Variants in GSK3B observed in about 807,000 individuals in gnomAD.
The protein encoded by GSK3B is glycogen synthase kinase-3 beta.
In GSK3B, 15 loss-of-function variants were observed where a neutral mutation model predicts 56.4. That is an observed-to-expected ratio of 0.27 (90% CI 0.18 to 0.41). The LOEUF (loss-of-function observed/expected upper bound fraction) is 0.41, where lower values mean the gene tolerates loss of function less well. GSK3B is among the 10% of genes least tolerant of loss of function. The pLI is 1.00. For missense variants in GSK3B, 300 were observed against 513.4 expected, an observed-to-expected ratio of 0.58 and a Z score of 4.02; for synonymous variants, 181 against 188.9, an observed-to-expected ratio of 0.96 and a Z score of 0.34.
chr3:119,937,494 T>C (rs1213037867), intron 3 of GSK3B, among the ~76,000 whole-genome samples: 1 of 152,082 alleles, frequency 6.6e-6, no homozygotes, highest in Non-Finnish European at 1.5e-5. Flanking sequence ...CATAAACCTC[T>C]TTCCTTTACA....
chr3:120,023,775 TGAA>T (rs2057899744), intron 1 of GSK3B, among the ~76,000 whole-genome samples: 1 of 152,082 alleles, frequency 6.6e-6, no homozygotes, highest in South Asian at 2.1e-4. Flanking sequence ...CATGAAAAGA[TGAA>T]GAAATGGTCA....
intron 2 of GSK3B, among the ~76,000 whole-genome samples, chr3:119,958,838 T>G (rs375471970): frequency 3.3e-5 from 5 of 151,914 alleles, no homozygotes; most frequent in African/African-American, 4.8e-5. Context: ...AGTTGGAGCT[T>G]AACAGGTAGA....
intron 1 of GSK3B, among the ~76,000 whole-genome samples, chr3:120,016,882 A>G (rs2057832437): frequency 6.6e-6 from 1 of 152,240 alleles, no homozygotes; most frequent in South Asian, 2.1e-4. Flanking sequence ...CTGGAATAAA[A>G]TCAAACCAAA....
intron 3 of GSK3B, among the ~76,000 whole-genome samples, chr3:119,942,135 G>C (rs1329146286): frequency 6.6e-6 from 1 of 152,118 alleles, no homozygotes; most frequent in African/African-American, 2.4e-5. Flanking sequence ...CTCTCACAAA[G>C]TAGAAGGCAG....
chr3:119,958,137 A>C (rs2057232238), intron 2 of GSK3B, among the ~76,000 whole-genome samples: 1 of 152,080 alleles, frequency 6.6e-6, no homozygotes, highest in Non-Finnish European at 1.5e-5. Context: ...TATAAATGTT[A>C]GTTTCTCCTG....
At chr3:119,859,139 G>A (rs547020882) in intron 9 of GSK3B, among the ~76,000 whole-genome samples, 1 of 150,934 alleles carries the variant, frequency 6.6e-6, no homozygotes, top group East Asian at 1.9e-4. Flanking sequence ...TGGAAAAACA[G>A]GCTTAGTCAA....
chr3:119,971,525 C>A (rs954760073), intron 2 of GSK3B, among the ~76,000 whole-genome samples: 1 of 150,900 alleles, frequency 6.6e-6, no homozygotes, highest in African/African-American at 2.4e-5. Flanking sequence ...TAGTAACTGG[C>A]CTTATATATT....
At chr3:120,042,553 C>T (rs749027505) in intron 1 of GSK3B, among the ~76,000 whole-genome samples, 3 of 152,304 alleles carry the variant, frequency 2.0e-5, no homozygotes, top group South Asian at 2.1e-4. Context: ...ATGCCTCTAA[C>T]GGGTTGTCTA....
chr3:120,052,963 G>GT (rs1475611653), intron 1 of GSK3B, among the ~76,000 whole-genome samples: 1 of 152,138 alleles, frequency 6.6e-6, no homozygotes, highest in Non-Finnish European at 1.5e-5. Context: ...GTCAGAGTTC[G>GT]TAAGTGTTAG....
At chr3:119,843,402 T>C in intron 9 of GSK3B, 49 bp from the exon 10 acceptor site, 1 of 1,007,424 alleles carries the variant, frequency 9.9e-7, no homozygotes, top group Middle Eastern at 2.2e-4. Context: ...TAACTTTGTA[T>C]GCAAAACTAT....
At chr3:119,904,188 C>T (rs915619001) in intron 7 of GSK3B, among the ~76,000 whole-genome samples, 3 of 152,054 alleles carry the variant, frequency 2.0e-5, no homozygotes, top group African/African-American at 7.2e-5. Context: ...TATATGATAT[C>T]CTCGATTTTG....
At chr3:119,888,272 G>A (rs1576175998) in intron 7 of GSK3B, among the ~76,000 whole-genome samples, 1 of 152,160 alleles carries the variant, frequency 6.6e-6, no homozygotes, top group African/African-American at 2.4e-5. Flanking sequence ...CTGAACACAG[G>A]GACCAGCTGG....
intron 1 of GSK3B, among the ~76,000 whole-genome samples, chr3:120,056,470 G>A (rs2058191945): frequency 6.6e-6 from 1 of 152,166 alleles, no homozygotes; most frequent in Non-Finnish European, 1.5e-5. Context: ...CTCCCACGTA[G>A]CTGGGATTAC....
Position 119,824,494 on chromosome 3 carries a change from T to C in GSK3B, c.*2294A>G, listed in dbSNP as rs942974838. ...GGAGTATACCACGTCCAGAGCAGTG[T>C]CTGCATCCAAACGCTTGCTGGGCAG... On this transcript the variant is annotated 3_prime_UTR_variant, in exon 11 of 11. Transcript: ENST00000264235. 4.6e-6 allele frequency: 1 copy of C among 215,948 alleles called. No homozygotes were observed. Among genetic ancestry groups the C allele is most frequent in the Admixed American group, 5.8e-5 (1 of 17,126 alleles). The allele number at this position is 215,948 out of a possible 1,614,324, so 13.4% of individuals were successfully genotyped here.
chr3:119,994,689 G>A (rs1337482060), intron 2 of GSK3B, among the ~76,000 whole-genome samples: 2 of 152,006 alleles, frequency 1.3e-5, no homozygotes, highest in South Asian at 2.1e-4. Context: ...TAATTATGAA[G>A]AAACATTACA....
Position 119,947,312 on chromosome 3 carries a change from T to G in GSK3B, c.322A>C (p.Asn108His), listed in dbSNP as rs767657425. ...LQIMRKLDHCNIVRLRYFFYS... is the reference protein window; with the variant it reads ...LQIMRKLDHCHIVRLRYFFYS... Reference sequence around the variant, plus strand: ...AAGAAATAACGCAATCGGACTATGTTACAGTGATCTAGCTTTCTCATGATC... The same window carrying G: ...AAGAAATAACGCAATCGGACTATGTGACAGTGATCTAGCTTTCTCATGATC... The change falls in exon 3 of 11, where the codon AAC (asparagine) becomes CAC (histidine). Residue 108 changes from asparagine to histidine, a missense_variant. This residue lies in a region of GSK3B where 62 missense variants were observed against 84.0 expected (regional missense o/e 0.74). Coordinates refer to ENST00000264235, the MANE Select transcript of GSK3B (RefSeq NM_001146156.2). 3.7e-6 allele frequency: 6 copies of G among 1,607,112 alleles called. No homozygotes were observed. The highest frequency in any genetic ancestry group is 5.1e-6 in the Non-Finnish European group (6 of 1,173,972).
In GSK3B at chr3:119,822,756, G is replaced by C. The variant is rs2055433003; in HGVS notation, c.*4032C>G. ...AGGGGAGAAAAGTGTTTGGCTCTGT[G>C]ATTAGATGATCACTAACATGAACAG... On this transcript the variant is annotated 3_prime_UTR_variant, in exon 11 of 11. Transcript: ENST00000264235. 1 of 228,384 alleles carries C rather than the reference G, an allele frequency of 4.4e-6. No homozygotes were observed. The allele number at this position is 228,384 out of a possible 1,614,324, so 14.1% of individuals were successfully genotyped here.
chr3:119,923,115 T>C (rs1394203551), intron 4 of GSK3B, among the ~76,000 whole-genome samples: 1 of 152,182 alleles, frequency 6.6e-6, no homozygotes. Flanking sequence ...CTAGCAGAAA[T>C]AAAATCTATA....
chr3:119,976,645 C>T (rs1252215097), intron 2 of GSK3B, among the ~76,000 whole-genome samples: 1 of 151,650 alleles, frequency 6.6e-6, no homozygotes, highest in Non-Finnish European at 1.5e-5. Flanking sequence ...AGTTGCCTAA[C>T]TCTGTGACTA....
Sources: gnomAD v4.1 joint callset for allele counts (sites outside exome capture counted in the v4.1 genomes callset) on GRCh38, gnomAD v4.1.1 for gene constraint, gnomAD v4.1.1 regional missense constraint, MANE v1.5 for transcripts, NCBI Gene and HGNC (gene_info 2026-07-23, HGNC 2026-07-21) for gene names.